Variants in SP3 observed in about 807,000 individuals in gnomAD.
The protein encoded by SP3 is transcription factor Sp3.
In SP3, 10 loss-of-function variants were observed where a neutral mutation model predicts 70.3. The observed-to-expected ratio is 0.14, with a 90% CI of 0.09 to 0.24. The LOEUF is 0.24. Among genes scored for constraint, SP3 ranks in the 10% least tolerant of loss-of-function variants. The pLI is 1.00. For synonymous variants in SP3, 402 were observed against 333.5 expected (o/e 1.21, Z -2.24); for missense variants, 825 against 914.6 (o/e 0.90, Z 1.26).
At chr2:173,964,925 C>T (rs2105511593) in intron 1 of SP3, 1 of 533,984 alleles carries the variant, frequency 1.9e-6, no homozygotes, top group Non-Finnish European at 3.2e-6. Flanking sequence ...GATGCGCTCC[C>T]GGCGGACCGG....
intron 3 of SP3, among the ~76,000 whole-genome samples, chr2:173,962,169 ATTCT>A (rs1489191455): frequency 2.0e-5 from 3 of 152,172 alleles, no homozygotes; most frequent in Admixed American, 6.5e-5. Context: ...TGGAGACAGT[ATTCT>A]ATCCTTGGGC....
At chr2:173,958,322 C>T (rs571521706) in intron 3 of SP3, among the ~76,000 whole-genome samples, 34 of 148,322 alleles carry the variant, frequency 2.3e-4, no homozygotes, top group African/African-American at 7.7e-4. Flanking sequence ...TCAACCATCA[C>T]TGAACAGCTT....
chr2:173,950,366 TTAA>T (rs1245053201), intron 4 of SP3, among the ~76,000 whole-genome samples: 1 of 151,960 alleles, frequency 6.6e-6, no homozygotes, highest in African/African-American at 2.4e-5. Context: ...AATTGTTACA[TTAA>T]TGTCATGCTT....
intron 1 of SP3, chr2:173,964,914 G>T (rs1167118841): frequency 1.9e-6 from 1 of 522,444 alleles, no homozygotes; most frequent in Non-Finnish European, 3.3e-6. Flanking sequence ...GCACACAGGG[G>T]GATGCGCTCC....
At chr2:173,915,669 T>C (rs368938654) in intron 5 of SP3, 3 of 151,982 alleles carry the variant, frequency 2.0e-5, no homozygotes, top group Non-Finnish European at 4.4e-5. Context: ...AGAAAACAGA[T>C]TGTGCACAAT....
Position 173,965,337 on chromosome 2 carries a change from G to A in SP3, c.-166C>T, listed in dbSNP as rs1284933977. ...ATTGACTGTGCGGGAAACACAAAAG[G>A]TGGAGCCTCCAGCCCAAAAGGGGGG... On this transcript the variant is annotated 5_prime_UTR_variant, in exon 1 of 7. Coordinates refer to ENST00000310015, the MANE Select transcript of SP3 (RefSeq NM_003111.5). The A allele has an allele frequency of 1.3e-6, 1 of 783,390 alleles. No homozygotes were observed. Among genetic ancestry groups the A allele is most frequent in the Non-Finnish European group, 2.0e-6 (1 of 488,292 alleles). The allele number at this position is 783,390 out of a possible 1,614,324, so 48.5% of individuals were successfully genotyped here.
Position 173,906,311 on chromosome 2 carries a change from C to G in SP3, c.*3630G>C, listed in dbSNP as rs1014466185. ...TACATTATACGCAAATCTGTCTGAA[C>G]AAGGCAAGGGGCCAATGTTGTTTCT... On this transcript the variant is annotated 3_prime_UTR_variant, in exon 7 of 7. Transcript: ENST00000310015. 2 of 152,114 alleles carry G rather than the reference C, an allele frequency of 1.3e-5. No homozygotes were observed. The highest frequency in any genetic ancestry group is 2.9e-5 in the Non-Finnish European group (2 of 68,002). The allele number at this position is 152,114 out of a possible 1,614,324, so 9.4% of individuals were successfully genotyped here.
intron 4 of SP3, among the ~76,000 whole-genome samples, chr2:173,951,399 G>C (rs1690708965): frequency 6.6e-6 from 1 of 151,972 alleles, no homozygotes; most frequent in South Asian, 2.1e-4. Context: ...TTTAAATTTA[G>C]TTCATTTAAA....
intron 4 of SP3, among the ~76,000 whole-genome samples, chr2:173,919,972 T>C (rs1292134663): frequency 6.6e-6 from 1 of 152,260 alleles, no homozygotes; most frequent in Admixed American, 6.5e-5. Context: ...AGTATTGGAA[T>C]GGAAAAACAA....
intron 4 of SP3, among the ~76,000 whole-genome samples, chr2:173,929,550 AAAG>A (rs1241673886): frequency 5.9e-5 from 9 of 152,228 alleles, no homozygotes; most frequent in African/African-American, 9.6e-5. Context: ...CAAAAGAAGA[AAAG>A]AAGACAACAG....
At chr2:173,957,374 ACT>A (rs888199666) in intron 3 of SP3, among the ~76,000 whole-genome samples, 3 of 152,006 alleles carry the variant, frequency 2.0e-5, no homozygotes, top group Admixed American at 1.3e-4. Context: ...TGATCAAAAC[ACT>A]CTGTGGAAGA....
At chr2:173,941,239 A>G (rs75263037) in intron 4 of SP3, among the ~76,000 whole-genome samples, 8,353 of 152,166 alleles carry the variant, frequency 0.055, 313 homozygotes, top group Non-Finnish European at 0.082. Context: ...ACCACTTGTT[A>G]AAAGTCACCA....
At position 173,955,988 on chromosome 2, in the gene SP3, T is replaced by G; in HGVS notation, c.524A>C (p.Gln175Pro). Reference protein sequence around the residue: ...VSSVQYQVIPQIQSADGQQVQ... With the variant: ...VSSVQYQVIPPIQSADGQQVQ... ...CTGCTGACCATCTGCTGACTGGATC[T>G]GTGGTATCACTTGATATTGAACACT... The change falls in exon 4 of 7, where the codon CAG (glutamine) becomes CCG (proline). Residue 175 changes from glutamine to proline, a missense_variant. Physicochemically the swap from Gln to Pro is moderately conservative, Grantham distance 76. Transcript: ENST00000310015. 1 of 1,614,244 alleles carries G rather than the reference T, an allele frequency of 6.2e-7. No individual in the cohort carries two copies. The highest frequency in any genetic ancestry group is 2.2e-5 in the East Asian group (1 of 44,890).
rs755085605 is a variant in SP3 at position 173,908,816 on chromosome 2, C to A, written c.*1125G>T. 6.6e-6 allele frequency: 1 copy of A among 151,522 alleles called. No homozygotes were observed. Among genetic ancestry groups the A allele is most frequent in the African/African-American group, 2.4e-5 (1 of 41,096 alleles). The allele number at this position is 151,522 out of a possible 1,614,324, so 9.4% of individuals were successfully genotyped here. A position where few individuals can be genotyped will look rare whatever the true frequency, so the allele number is the denominator to read the frequency against. On this transcript the variant is annotated 3_prime_UTR_variant, in exon 7 of 7. Coordinates refer to ENST00000310015, the MANE Select transcript of SP3 (RefSeq NM_003111.5). ...AATACAGCATAATAAAAAACATACG[C>A]TTCTCAATTAAATGTACTGGATACA...
chr2:173,944,460 T>C (rs542631908), intron 4 of SP3, among the ~76,000 whole-genome samples: 16 of 152,118 alleles, frequency 1.1e-4, no homozygotes, highest in African/African-American at 3.9e-4. Flanking sequence ...GAGCTGGAGA[T>C]TGCAGTGAGC....
intron 4 of SP3, among the ~76,000 whole-genome samples, chr2:173,950,840 T>C (rs1690691322): frequency 6.6e-6 from 1 of 152,170 alleles, no homozygotes; most frequent in South Asian, 2.1e-4. Flanking sequence ...CAAGAGAAAG[T>C]TTATATCCTC....
intron 4 of SP3, among the ~76,000 whole-genome samples, chr2:173,950,847 C>T (rs1235886355): frequency 6.6e-6 from 1 of 152,100 alleles, no homozygotes; most frequent in African/African-American, 2.4e-5. Context: ...AAGTTTATAT[C>T]CTCAAAATGA....
Position 173,902,187 on chromosome 2 carries a change from T to C in SP3, c.*7754A>G, listed in dbSNP as rs1689201802. 6.6e-6 allele frequency among the ~76,000 whole-genome samples: 1 copy of C among 152,248 alleles called. No individual in the cohort carries two copies. The highest frequency in any genetic ancestry group is 6.5e-5 in the Admixed American group (1 of 15,292). On this transcript the variant is annotated 3_prime_UTR_variant, in exon 7 of 7. Coordinates refer to ENST00000310015, the MANE Select transcript of SP3 (RefSeq NM_003111.5). The stretch of plus-strand genomic sequence containing the variant: ...CCCTACTGGTACCAATTTTTAAATA[T>C]ATCCATTGCTTAGTTTTTCAGGTCC...
chr2:173,919,024 G>A (rs1689679420), intron 4 of SP3, among the ~76,000 whole-genome samples: 3 of 152,096 alleles, frequency 2.0e-5, no homozygotes, highest in African/African-American at 7.2e-5. Context: ...TAGTTCATAT[G>A]TCCCTTTAGA....
Sources: allele counts gnomAD v4.1 joint callset (sites outside exome capture counted in the v4.1 genomes callset), GRCh38; gene constraint gnomAD v4.1.1; transcripts MANE v1.5; gene names NCBI Gene and HGNC (gene_info 2026-07-23, HGNC 2026-07-21).